The following NDUFB6 variants were observed in gnomAD, a reference collection of about 807,000 sequenced individuals.
The protein encoded by NDUFB6 is NADH dehydrogenase [ubiquinone] 1 beta subcomplex subunit 6.
A neutral mutation model predicts 17.5 loss-of-function variants in NDUFB6; 23 were observed. The observed-to-expected ratio is 1.31, with a 90% CI of 0.94 to 1.86. The LOEUF (loss-of-function observed/expected upper bound fraction) is 1.86. NDUFB6 is among the 40% of genes most tolerant of loss of function. The pLI is 0.00. For synonymous variants in NDUFB6, 60 were observed against 53.5 expected, an observed-to-expected ratio of 1.12 and a Z score of -0.53; for missense variants, 167 against 153.8, an observed-to-expected ratio of 1.09 and a Z score of -0.46.
chr9:32,562,224 T>C (rs189684951), intron 2 of NDUFB6, among the ~76,000 whole-genome samples: 56 of 152,346 alleles, frequency 3.7e-4, no homozygotes, highest in African/African-American at 1.3e-3. Flanking sequence ...CTTCCAACTT[T>C]ACTATAAAGT....
chr9:32,554,002 C>A (rs933744693), intron 3 of NDUFB6, 58 bp from the exon 4 acceptor site: 3 of 1,074,372 alleles, frequency 2.8e-6, no homozygotes, highest in Admixed American at 4.2e-5. Flanking sequence ...GGTGATAGTT[C>A]TATTCTGTTC....
At chr9:32,561,727 G>C (rs929282213) in intron 2 of NDUFB6, among the ~76,000 whole-genome samples, 2 of 152,138 alleles carry the variant, frequency 1.3e-5, no homozygotes, top group Non-Finnish European at 2.9e-5. Context: ...AAATGACTGT[G>C]AACTTTGGTT....
At chr9:32,557,481 C>G (rs1432627929) in intron 3 of NDUFB6, among the ~76,000 whole-genome samples, 1 of 147,488 alleles carries the variant, frequency 6.8e-6, no homozygotes, top group Non-Finnish European at 1.5e-5. Flanking sequence ...TTTTTTTTTT[C>G]CTTTTTCCTT....
intron 2 of NDUFB6, among the ~76,000 whole-genome samples, chr9:32,561,699 T>A (rs1038736912): frequency 1.3e-5 from 2 of 152,186 alleles, no homozygotes; most frequent in South Asian, 4.1e-4. Flanking sequence ...TTTCCAAGGC[T>A]AGAGATTTTG....
intron 3 of NDUFB6, among the ~76,000 whole-genome samples, chr9:32,558,135 G>A (rs1204615946): frequency 7.7e-5 from 3 of 38,958 alleles, no homozygotes; most frequent in South Asian, 8.9e-4. Context: ...TTTTTGAGAC[G>A]GAGTCTCGCT....
At chr9:32,558,746 G>GC (rs1821543403) in intron 3 of NDUFB6, among the ~76,000 whole-genome samples, 164 bp downstream of exon 3, 2 of 150,774 alleles carry the variant, frequency 1.3e-5, no homozygotes, top group African/African-American at 4.9e-5. Flanking sequence ...ATTTCTTCCT[G>GC]TTTTTTTTTG....
At chr9:32,569,854 T>C (rs977207276) in intron 2 of NDUFB6, among the ~76,000 whole-genome samples, 1 of 93,888 alleles carries the variant, frequency 1.1e-5, no homozygotes, top group African/African-American at 4.6e-5. Context: ...ATATACATCG[T>C]TCTTTTACAC....
At position 32,572,963 on chromosome 9, in the gene NDUFB6, G is replaced by T; in HGVS notation, c.98C>A (p.Pro33Gln). Residue 33 changes from proline (P) to glutamine (Q), a missense_variant, in exon 1 of 4, where the codon CCG becomes CAG. Coordinates refer to ENST00000379847, the MANE Select transcript of NDUFB6 (RefSeq NM_002493.5). The part of the protein sequence containing the change: ...LKDQELSPRE[P>Q]VLPPQKMGPM... ...CCCCATCTTCTGTGGGGGCAGCACC[G>T]GCTCCCGAGGGCTCAGCTCCTGGTC... 1.2e-6 allele frequency: 2 copies of T among 1,611,032 alleles called. No homozygotes were observed. Among genetic ancestry groups the T allele is most frequent in the South Asian group, 2.2e-5 (2 of 90,920 alleles).
chr9:32,562,613 A>C (rs968376125), intron 2 of NDUFB6, among the ~76,000 whole-genome samples: 1 of 152,232 alleles, frequency 6.6e-6, no homozygotes, highest in Non-Finnish European at 1.5e-5. Flanking sequence ...TTTTTCCTTG[A>C]ATCACTTTAT....
At chr9:32,554,502 T>C (rs1218930368) in intron 3 of NDUFB6, among the ~76,000 whole-genome samples, 3 of 152,214 alleles carry the variant, frequency 2.0e-5, no homozygotes, top group Admixed American at 6.5e-5. Context: ...ACAAGCTGTA[T>C]AGTTTTAAGA....
intron 2 of NDUFB6, among the ~76,000 whole-genome samples, chr9:32,564,686 G>A (rs1028879926): frequency 2.6e-5 from 4 of 151,962 alleles, no homozygotes; most frequent in African/African-American, 7.3e-5. Flanking sequence ...TTGTCTCTGC[G>A]CACTCACCAC....
chr9:32,564,008 TG>T (rs1486278346), intron 2 of NDUFB6, among the ~76,000 whole-genome samples: 9 of 152,336 alleles, frequency 5.9e-5, no homozygotes, highest in African/African-American at 2.2e-4. Flanking sequence ...CTCTGAGCTC[TG>T]GGTCCTTTCA....
At chr9:32,569,186 A>T (rs1821887321) in intron 2 of NDUFB6, among the ~76,000 whole-genome samples, 1 of 152,060 alleles carries the variant, frequency 6.6e-6, no homozygotes, top group South Asian at 2.1e-4. Flanking sequence ...GGCTCAAATG[A>T]TCATTAGCAT....
At chr9:32,558,782 C>T in intron 3 of NDUFB6, 128 bp downstream of exon 3, 2 of 563,954 alleles carry the variant, frequency 3.5e-6, no homozygotes, top group Admixed American at 3.1e-5. Flanking sequence ...TACAAGAATA[C>T]ACAAAACAGG....
chr9:32,567,039 G>A, intron 2 of NDUFB6: 2 of 496,608 alleles, frequency 4.0e-6, no homozygotes, highest in Middle Eastern at 3.7e-4. Context: ...CCCTTGCGCA[G>A]CATCTCCCGG....
chr9:32,564,191 T>C (rs150540440), intron 2 of NDUFB6, among the ~76,000 whole-genome samples: 3 of 152,334 alleles, frequency 2.0e-5, no homozygotes, highest in Middle Eastern at 3.4e-3. Context: ...TATCAATACA[T>C]TTTAAAAACC....
chr9:32,554,041 GT>G, intron 3 of NDUFB6, 97 bp from the exon 4 acceptor site: 1 of 720,402 alleles, frequency 1.4e-6, no homozygotes, highest in Non-Finnish European at 2.3e-6. Flanking sequence ...CATGGAAAAT[GT>G]ACTTGAGTTC....
intron 2 of NDUFB6, among the ~76,000 whole-genome samples, chr9:32,569,019 G>T (rs558014462): frequency 9.2e-5 from 14 of 151,794 alleles, no homozygotes; most frequent in Admixed American, 8.5e-4. Flanking sequence ...AAAGTGGTAG[G>T]ATTACAGGCG....
chr9:32,561,982 C>G (rs1821639489), intron 2 of NDUFB6, among the ~76,000 whole-genome samples: 1 of 152,106 alleles, frequency 6.6e-6, no homozygotes, highest in South Asian at 2.1e-4. Flanking sequence ...AGTCACTCTC[C>G]CATTAAAAAA....
Sources: allele counts gnomAD v4.1 joint callset (sites outside exome capture counted in the v4.1 genomes callset), GRCh38; gene constraint gnomAD v4.1.1; transcripts MANE v1.5; gene names NCBI Gene and HGNC (gene_info 2026-07-23, HGNC 2026-07-21).